Variants in SLCO1C1 observed in about 807,000 individuals in gnomAD.
SLCO1C1 encodes OAT-RP-5.
A neutral mutation model predicts 76.4 loss-of-function variants in SLCO1C1; 70 were observed. The ratio of observed to expected loss-of-function variants is 0.92; its 90% CI spans 0.76 to 1.12. The LOEUF (loss-of-function observed/expected upper bound fraction) is 1.12. Among genes scored for constraint, SLCO1C1 ranks in the 50% most tolerant of loss-of-function variants. The pLI is 0.00. For synonymous variants in SLCO1C1, 306 were observed against 286.1 expected (o/e 1.07, Z -0.70); for missense variants, 912 against 823.8 (o/e 1.11, Z -1.31).
chr12:20,701,446 T>A lies in SLCO1C1; in HGVS notation c.258T>A (p.Gly86=), dbSNP rs771739302. Residue 86 remains glycine (G), a synonymous_variant, in exon 3 of 15, where the codon GGT becomes GGA. Coordinates refer to ENST00000266509, the MANE Select transcript of SLCO1C1 (RefSeq NM_017435.5). ...IPSSLVGVID[G]SFEIGNLLVI... ...CTTCACTGGTGGGAGTTATTGATGG[T>A]AGTTTTGAAATTGGTAGGTATTACA... is the stretch of plus-strand genomic sequence containing the variant. 6 of 1,506,954 alleles carry A rather than the reference T, an allele frequency of 4.0e-6. No homozygotes were observed. In the East Asian group the frequency reaches 1.4e-4, roughly 35 times the overall value. 93.3% of individuals were successfully genotyped at this position (1,506,954 alleles called of 1,614,324 possible). A position where few individuals can be genotyped will look rare whatever the true frequency, so the allele number is the denominator to read the frequency against.
intron 9 of SLCO1C1, among the ~76,000 whole-genome samples, chr12:20,727,848 T>G (rs1347296408): frequency 6.6e-6 from 1 of 152,176 alleles, no homozygotes; most frequent in Non-Finnish European, 1.5e-5. Flanking sequence ...ATGTCCGTTG[T>G]CTACTTTTTA....
chr12:20,739,863 A>G (rs779508682), intron 11 of SLCO1C1, among the ~76,000 whole-genome samples: 23 of 152,154 alleles, frequency 1.5e-4, no homozygotes, highest in Non-Finnish European at 5.9e-5. Context: ...GAGCATTGTA[A>G]CAATCTAGGC....
intron 9 of SLCO1C1, among the ~76,000 whole-genome samples, chr12:20,724,405 GTGTGTGTATATATATA>G (rs1161920707): frequency 0.019 from 564 of 29,438 alleles, 5 homozygotes; most frequent in African/African-American, 0.041. Flanking sequence ...GTGTGTGTGT[GTGTGTGTATATATATA>G]TATATATATA....
intron 12 of SLCO1C1, among the ~76,000 whole-genome samples, 166 bp downstream of exon 12, chr12:20,740,534 C>A (rs1948754470): frequency 6.6e-6 from 1 of 151,582 alleles, no homozygotes; most frequent in Admixed American, 6.6e-5. Context: ...GGTATTTATA[C>A]AAAAATGTGG....
chr12:20,750,944 T>G (rs1466114598), intron 14 of SLCO1C1, 152 bp downstream of exon 14: 1 of 1,372,300 alleles, frequency 7.3e-7, no homozygotes, highest in Non-Finnish European at 1.0e-6. Flanking sequence ...ATAGAATAAT[T>G]ATATTATTAT....
At position 20,737,208 on chromosome 12, in the gene SLCO1C1, G is replaced by T; in HGVS notation, c.1484G>T (p.Gly495Val). 6.4e-7 allele frequency: 1 copy of T among 1,571,308 alleles called. No homozygotes were observed. The highest frequency in any genetic ancestry group is 2.0e-5 in the Admixed American group (1 of 48,920). The change falls in exon 11 of 15, where the codon GGA (glycine) becomes GTA (valine). Residue 495 changes from glycine to valine, a missense_variant. Gly to Val is a moderately radical substitution (Grantham distance 109, BLOSUM62 -3). Coordinates refer to ENST00000266509, the MANE Select transcript of SLCO1C1 (RefSeq NM_017435.5). Reference protein sequence around the residue: ...TKWEPMCGENGITYVSACLAG... With the variant: ...TKWEPMCGENVITYVSACLAG... ...TGGGAACCCATGTGCGGTGAAAATGGAATCACATATGTATCAGCTTGTCTT... is the reference window on the plus strand; with the variant it reads ...TGGGAACCCATGTGCGGTGAAAATGTAATCACATATGTATCAGCTTGTCTT...
At chr12:20,713,824 A>T (rs1382842389) in intron 5 of SLCO1C1, among the ~76,000 whole-genome samples, 1 of 152,214 alleles carries the variant, frequency 6.6e-6, no homozygotes, top group Non-Finnish European at 1.5e-5. Flanking sequence ...AATTTTATTT[A>T]ATTTCAATTT....
chr12:20,716,889 G>C (rs1425122964), intron 6 of SLCO1C1, among the ~76,000 whole-genome samples: 1 of 152,080 alleles, frequency 6.6e-6, no homozygotes, highest in Non-Finnish European at 1.5e-5. Flanking sequence ...TTTCCTCAGA[G>C]TATTAATGTT....
At chr12:20,739,842 G>T (rs946705073) in intron 11 of SLCO1C1, among the ~76,000 whole-genome samples, 5 of 152,274 alleles carry the variant, frequency 3.3e-5, no homozygotes, top group African/African-American at 1.2e-4. Context: ...GAAACAAGTT[G>T]CGCATAAAGG....
chr12:20,703,955 C>CTGTG (rs146325219), intron 3 of SLCO1C1, among the ~76,000 whole-genome samples: 27,844 of 140,180 alleles, frequency 0.2, 3,431 homozygotes, highest in East Asian at 0.56. Context: ...TCGAGTGTGT[C>CTGTG]TGTGTGTGTG....
chr12:20,712,023 A>T (rs1036084012), intron 5 of SLCO1C1, among the ~76,000 whole-genome samples: 1 of 152,206 alleles, frequency 6.6e-6, no homozygotes, highest in Non-Finnish European at 1.5e-5. Context: ...TGGTGTTATC[A>T]GTTCCCTGCC....
chr12:20,730,003 G>A (rs1948193854), intron 9 of SLCO1C1, among the ~76,000 whole-genome samples: 1 of 152,056 alleles, frequency 6.6e-6, no homozygotes, highest in Admixed American at 6.5e-5. Flanking sequence ...GCTATTCTAG[G>A]CTGCTGGGGG....
intron 10 of SLCO1C1, among the ~76,000 whole-genome samples, chr12:20,733,867 C>T (rs1948412326): frequency 6.6e-6 from 1 of 152,078 alleles, no homozygotes; most frequent in Non-Finnish European, 1.5e-5. Flanking sequence ...ACTATATTGC[C>T]CTTGCCCATT....
intron 1 of SLCO1C1, 36 bp from the exon 2 acceptor site, chr12:20,699,516 T>C: frequency 6.9e-7 from 1 of 1,445,168 alleles, no homozygotes; most frequent in Middle Eastern, 1.8e-4. Context: ...TTGCGTAGTA[T>C]TTATTTATTT....
At chr12:20,729,048 T>C (rs867572398) in intron 9 of SLCO1C1, among the ~76,000 whole-genome samples, 3 of 152,214 alleles carry the variant, frequency 2.0e-5, no homozygotes, top group Admixed American at 6.5e-5. Context: ...TGATGGTAGA[T>C]GGTAAAAATT....
Position 20,724,407 on chromosome 12 carries a change from GTGTGTATATATATA to G in SLCO1C1, c.1186+1155_1186+1168del, listed in dbSNP as rs1341881273. The stretch of plus-strand genomic sequence containing the variant: ...TGATATATATAATGTGTGTGTGTGT[GTGTGTATATATATA>G]TATATATATATATATATATATATAT... On this transcript the variant is annotated intron_variant, in intron 9 of 14. Transcript: ENST00000266509. Among the ~76,000 whole-genome samples, 365 of 45,338 alleles carry G rather than the reference GTGTGTATATATATA, an allele frequency of 8.1e-3. 2 individuals carry two copies. The highest frequency in any genetic ancestry group is 0.025 in the African/African-American group (305 of 12,446). 29.7% of individuals were successfully genotyped at this position (45,338 alleles called of 152,430 possible).
chr12:20,744,432 A>G (rs1476091504), intron 13 of SLCO1C1, among the ~76,000 whole-genome samples: 1 of 152,154 alleles, frequency 6.6e-6, no homozygotes, highest in Non-Finnish European at 1.5e-5. Flanking sequence ...GTAACAGACA[A>G]TGGGCTAATA....
At chr12:20,727,131 T>C (rs1023288324) in intron 9 of SLCO1C1, among the ~76,000 whole-genome samples, 5 of 152,228 alleles carry the variant, frequency 3.3e-5, no homozygotes, top group African/African-American at 1.2e-4. Context: ...TTCCACGTTT[T>C]TGCTATTGTG....
chr12:20,723,513 T>G (rs979295753), intron 9 of SLCO1C1, among the ~76,000 whole-genome samples: 1 of 152,290 alleles, frequency 6.6e-6, no homozygotes, highest in Middle Eastern at 3.4e-3. Context: ...TACTGGATAT[T>G]TGTCTTTTAA....
Sources: gnomAD v4.1 joint callset for allele counts (sites outside exome capture counted in the v4.1 genomes callset) on GRCh38, gnomAD v4.1.1 for gene constraint, MANE v1.5 for transcripts, NCBI Gene and HGNC (gene_info 2026-07-23, HGNC 2026-07-21) for gene names.